Variants in BCAR3 observed in about 807,000 individuals in gnomAD.
The protein encoded by BCAR3 is BCAR3 adaptor protein, NSP family member, also known as breast cancer anti-estrogen resistance protein 3.
A neutral mutation model predicts 80.1 loss-of-function variants in BCAR3; 37 were observed. That is an observed-to-expected ratio of 0.46 (90% CI 0.36 to 0.61). The LOEUF (loss-of-function observed/expected upper bound fraction) is 0.61, where lower values mean the gene tolerates loss of function less well. BCAR3 is among the 20% of genes least tolerant of loss of function. BCAR3 has a pLI of 0.00. For missense variants in BCAR3, 978 were observed against 1,068.2 expected (o/e 0.92, Z 1.18); for synonymous variants, 389 against 418.9 (o/e 0.93, Z 0.87).
chr1:93,772,165 T>C (rs139176095), intron 2 of BCAR3, among the ~76,000 whole-genome samples: 242 of 152,252 alleles, frequency 1.6e-3, no homozygotes, highest in Middle Eastern at 6.8e-3. Context: ...ACAAGGGACA[T>C]TGTATGAGAT....
At chr1:93,562,807 C>CT (rs1157683104) in intron 11 of BCAR3, among the ~76,000 whole-genome samples, 2 of 148,430 alleles carry the variant, frequency 1.3e-5, no homozygotes, top group East Asian at 3.9e-4. Flanking sequence ...TGAAAGCTTG[C>CT]TTAAAGTAGC....
intron 3 of BCAR3, among the ~76,000 whole-genome samples, chr1:93,696,502 T>C (rs1364150064): frequency 6.6e-6 from 1 of 151,920 alleles, no homozygotes; most frequent in Non-Finnish European, 1.5e-5. Flanking sequence ...ACCACCACTC[T>C]GGCCCAGGGT....
chr1:93,567,755 G>C lies in BCAR3; in HGVS notation c.2071C>G (p.Leu691Val). ...EKQLKPFSKL[L>V]HEGRESTCVP... ...ACGTGCTCACCTCTGCCTTCATGCA[G>C]GAGTTTGCTGAAGGGCTTCAGCTGT... The change falls in exon 10 of 12, where the codon CTG (leucine) becomes GTG (valine). Residue 691 changes from leucine (L) to valine (V), a missense_variant. Coordinates refer to ENST00000260502, the MANE Select transcript of BCAR3 (RefSeq NM_003567.4). The C allele has an allele frequency of 6.2e-7, 1 of 1,614,092 alleles. No homozygotes were observed. The highest frequency in any genetic ancestry group is 1.3e-5 in the African/African-American group (1 of 75,062).
At chr1:93,567,944 T>C in intron 9 of BCAR3, 93 bp from the exon 10 acceptor site, 1 of 1,024,888 alleles carries the variant, frequency 9.8e-7, no homozygotes, top group Middle Eastern at 2.7e-4. Flanking sequence ...GCCAGCACTT[T>C]GGGAGGCTGA....
At chr1:93,747,613 T>A (rs1038142350) in intron 2 of BCAR3, among the ~76,000 whole-genome samples, 15 of 151,600 alleles carry the variant, frequency 9.9e-5, no homozygotes, top group Admixed American at 2.0e-4. Flanking sequence ...CAAAACAGCC[T>A]CCTAGTGAGT....
intron 3 of BCAR3, among the ~76,000 whole-genome samples, chr1:93,608,762 T>C (rs919377720): frequency 2.6e-5 from 4 of 152,186 alleles, no homozygotes; most frequent in African/African-American, 7.2e-5. Context: ...CAGATGCCAA[T>C]GGAATGCATT....
chr1:93,820,855 G>GCTGT (rs1258667087), intron 2 of BCAR3, among the ~76,000 whole-genome samples: 1 of 151,926 alleles, frequency 6.6e-6, no homozygotes, highest in Non-Finnish European at 1.5e-5. Context: ...TCATCCTGAA[G>GCTGT]CTGTCTAGCT....
intron 2 of BCAR3, among the ~76,000 whole-genome samples, chr1:93,738,324 C>T (rs1651054779): frequency 6.6e-6 from 1 of 152,202 alleles, no homozygotes; most frequent in Non-Finnish European, 1.5e-5. Context: ...CTTTCATGCT[C>T]ATTTCCAAAA....
intron 7 of BCAR3, among the ~76,000 whole-genome samples, chr1:93,578,164 C>T (rs1245579117): frequency 6.6e-6 from 1 of 152,216 alleles, no homozygotes; most frequent in Admixed American, 6.5e-5. Flanking sequence ...CCACCCTCTG[C>T]TCCTTCTTCC....
chr1:93,709,378 A>G (rs1649939216), intron 2 of BCAR3, among the ~76,000 whole-genome samples: 1 of 152,188 alleles, frequency 6.6e-6, no homozygotes, highest in African/African-American at 2.4e-5. Flanking sequence ...CACTCAAGGG[A>G]AAGAGAGACC....
intron 8 of BCAR3, among the ~76,000 whole-genome samples, chr1:93,574,201 C>G (rs1673349463): frequency 6.6e-6 from 1 of 152,188 alleles, no homozygotes; most frequent in Non-Finnish European, 1.5e-5. Flanking sequence ...GCTGGCAAAT[C>G]TGCAGCAAAA....
chr1:93,700,721 A>T (rs1649609526), intron 3 of BCAR3, among the ~76,000 whole-genome samples: 1 of 152,210 alleles, frequency 6.6e-6, no homozygotes, highest in Non-Finnish European at 1.5e-5. Context: ...ATATTTTGAT[A>T]ATCTTTCCCC....
At chr1:93,720,355 GA>G (rs1259366878) in intron 2 of BCAR3, 1 of 152,308 alleles carries the variant, frequency 6.6e-6, no homozygotes, top group Non-Finnish European at 1.5e-5. Flanking sequence ...ACTGCAGAAA[GA>G]AAGATCCTGG....
intron 3 of BCAR3, among the ~76,000 whole-genome samples, chr1:93,690,772 C>T (rs1014208527): frequency 2.6e-5 from 4 of 152,174 alleles, no homozygotes; most frequent in South Asian, 4.1e-4. Context: ...GTGCCAGGCA[C>T]TTAGTGAGCA....
At chr1:93,766,295 T>C (rs1251594252) in intron 2 of BCAR3, among the ~76,000 whole-genome samples, 1 of 152,228 alleles carries the variant, frequency 6.6e-6, no homozygotes, top group East Asian at 1.9e-4. Context: ...TTAAAAGCTC[T>C]TTGTAGAGAA....
chr1:93,636,986 C>T (rs1354614095), intron 3 of BCAR3, among the ~76,000 whole-genome samples: 1 of 151,850 alleles, frequency 6.6e-6, no homozygotes, highest in East Asian at 1.9e-4. Flanking sequence ...TCCCAGTTAC[C>T]TGAGGGGGCT....
At chr1:93,583,673 T>C (rs747094924) in intron 6 of BCAR3, among the ~76,000 whole-genome samples, 1 of 152,156 alleles carries the variant, frequency 6.6e-6, no homozygotes, top group Non-Finnish European at 1.5e-5. Context: ...TCATTTGTCA[T>C]GAAGACTACC....
intron 2 of BCAR3, among the ~76,000 whole-genome samples, chr1:93,667,870 A>T (rs1648000633): frequency 6.6e-6 from 1 of 152,202 alleles, no homozygotes; most frequent in Non-Finnish European, 1.5e-5. Flanking sequence ...GTCTCCTTCC[A>T]ATCAACCACA....
intron 2 of BCAR3, among the ~76,000 whole-genome samples, chr1:93,708,067 C>A (rs548715952): frequency 6.6e-6 from 1 of 152,246 alleles, no homozygotes; most frequent in African/African-American, 2.4e-5. Flanking sequence ...GTTCCTCTAG[C>A]CATTGAGTCA....
Sources: allele counts gnomAD v4.1 joint callset (sites outside exome capture counted in the v4.1 genomes callset), GRCh38; gene constraint gnomAD v4.1.1; transcripts MANE v1.5; gene names NCBI Gene and HGNC (gene_info 2026-07-23, HGNC 2026-07-21).